Variants in CLSTN2 observed in about 807,000 individuals in gnomAD.
CLSTN2 encodes the protein calsyntenin-2.
CLSTN2 carries 48 observed loss-of-function variants against 101.2 expected under a neutral mutation model. That is an observed-to-expected ratio of 0.47 (90% CI 0.38 to 0.60). The LOEUF (loss-of-function observed/expected upper bound fraction) is 0.60, where lower values mean the gene tolerates loss of function less well. CLSTN2 is among the 20% of genes least tolerant of loss of function. The pLI is 0.00. For missense variants in CLSTN2, 1,160 were observed against 1,238.2 expected, an observed-to-expected ratio of 0.94 and a Z score of 0.95; for synonymous variants, 481 against 463.6, an observed-to-expected ratio of 1.04 and a Z score of -0.48.
chr3:140,472,483 G>C (rs762572362), intron 8 of CLSTN2, among the ~76,000 whole-genome samples: 2 of 152,214 alleles, frequency 1.3e-5, no homozygotes, highest in Admixed American at 6.5e-5. Flanking sequence ...AGAATGGTCA[G>C]TGCAGTTCAG....
chr3:140,380,828 T>G (rs2087973067), intron 2 of CLSTN2, among the ~76,000 whole-genome samples: 1 of 152,222 alleles, frequency 6.6e-6, no homozygotes, highest in African/African-American at 2.4e-5. Flanking sequence ...GGGTCCTGTC[T>G]TCTTCTTCCC....
intron 2 of CLSTN2, among the ~76,000 whole-genome samples, chr3:140,375,397 C>T (rs1194541314): frequency 1.3e-5 from 2 of 152,142 alleles, no homozygotes; most frequent in East Asian, 1.9e-4. Flanking sequence ...GGCCTGTGCA[C>T]CTGTGGTGAC....
At chr3:140,069,232 T>A (rs16849795) in intron 1 of CLSTN2, among the ~76,000 whole-genome samples, 19,544 of 152,188 alleles carry the variant, frequency 0.13, 1,285 homozygotes, top group East Asian at 0.16. Context: ...TCTCTGTATA[T>A]AGCAAAACAA....
At chr3:140,480,189 T>C (rs1414183706) in intron 8 of CLSTN2, among the ~76,000 whole-genome samples, 1 of 151,538 alleles carries the variant, frequency 6.6e-6, no homozygotes, top group Non-Finnish European at 1.5e-5. Context: ...GGTGAGAACA[T>C]GCAGTGTTTG....
chr3:140,285,904 G>A (rs2086891518), intron 2 of CLSTN2, among the ~76,000 whole-genome samples: 2 of 152,184 alleles, frequency 1.3e-5, no homozygotes, highest in African/African-American at 2.4e-5. Context: ...CACTCAGGTT[G>A]GAGGGCAAGA....
At chr3:140,275,774 A>T (rs962548986) in intron 2 of CLSTN2, among the ~76,000 whole-genome samples, 2 of 152,198 alleles carry the variant, frequency 1.3e-5, no homozygotes, top group African/African-American at 4.8e-5. Context: ...CAGCTAGGAA[A>T]GCAGCAGAGT....
At chr3:140,009,867 A>G (rs2007036072) in intron 1 of CLSTN2, among the ~76,000 whole-genome samples, 1 of 152,258 alleles carries the variant, frequency 6.6e-6, no homozygotes, top group Non-Finnish European at 1.5e-5. Flanking sequence ...GTCACTAATA[A>G]TGAAATTGCT....
intron 2 of CLSTN2, among the ~76,000 whole-genome samples, chr3:140,301,355 C>A (rs1315079001): frequency 6.6e-6 from 1 of 152,112 alleles, no homozygotes; most frequent in African/African-American, 2.4e-5. Context: ...TAAATTACAT[C>A]TTTTATGAAA....
chr3:140,012,790 A>G (rs987852605), intron 1 of CLSTN2, among the ~76,000 whole-genome samples: 2 of 152,226 alleles, frequency 1.3e-5, no homozygotes, highest in African/African-American at 2.4e-5. Context: ...TGCCTGAGGC[A>G]TGGAAGGTTG....
intron 1 of CLSTN2, among the ~76,000 whole-genome samples, chr3:139,955,112 CTATATATATATATA>C (rs58418059): frequency 8.4e-5 from 6 of 71,504 alleles, no homozygotes; most frequent in Admixed American, 7.3e-4. Flanking sequence ...GGCAATATTG[CTATATATATATATA>C]TATATATATA....
At chr3:140,117,106 CA>C (rs2009257347) in intron 1 of CLSTN2, among the ~76,000 whole-genome samples, 1 of 152,162 alleles carries the variant, frequency 6.6e-6, no homozygotes, top group African/African-American at 2.4e-5. Context: ...ATGTCTTTCT[CA>C]GCCTGCTGCT....
At chr3:140,076,709 C>T (rs2008499694) in intron 1 of CLSTN2, among the ~76,000 whole-genome samples, 1 of 144,880 alleles carries the variant, frequency 6.9e-6, no homozygotes, top group African/African-American at 2.5e-5. Flanking sequence ...CCCTGGGTCA[C>T]ACTGTGCTGC....
At chr3:140,119,423 A>T (rs1166869193) in intron 1 of CLSTN2, among the ~76,000 whole-genome samples, 1 of 152,256 alleles carries the variant, frequency 6.6e-6, no homozygotes, top group African/African-American at 2.4e-5. Context: ...AGTCTAAAAC[A>T]TGCAGCACAT....
intron 6 of CLSTN2, chr3:140,454,434 T>C (rs1229367771): frequency 1.3e-5 from 2 of 152,140 alleles, no homozygotes; most frequent in Non-Finnish European, 2.9e-5. Flanking sequence ...AGTGAAATGA[T>C]AGTTTTATTG....
chr3:140,265,203 C>G (rs1307781243), intron 2 of CLSTN2, among the ~76,000 whole-genome samples: 1 of 152,054 alleles, frequency 6.6e-6, no homozygotes, highest in South Asian at 2.1e-4. Flanking sequence ...TACTCAGGCC[C>G]TCAACCATGC....
chr3:140,249,171 T>C (rs2086541199), intron 2 of CLSTN2, among the ~76,000 whole-genome samples: 1 of 152,228 alleles, frequency 6.6e-6, no homozygotes, highest in East Asian at 1.9e-4. Context: ...GCCCTACCAG[T>C]GTAAGCCTTA....
chr3:140,148,640 G>T (rs944682266), intron 1 of CLSTN2, among the ~76,000 whole-genome samples: 4 of 152,198 alleles, frequency 2.6e-5, no homozygotes, highest in African/African-American at 9.6e-5. Context: ...TTAGGCTGCT[G>T]CATTCACTTA....
chr3:140,114,505 A>G (rs1033731303), intron 1 of CLSTN2, among the ~76,000 whole-genome samples: 6 of 152,190 alleles, frequency 3.9e-5, no homozygotes, highest in Non-Finnish European at 7.3e-5. Context: ...ACCTAGCCCA[A>G]GCTTCTCAAT....
intron 11 of CLSTN2, 54 bp downstream of exon 11, chr3:140,556,715 C>A (rs962132757): frequency 3.8e-6 from 6 of 1,567,164 alleles, no homozygotes; most frequent in Non-Finnish European, 4.4e-6. Flanking sequence ...TGGGAAGGTC[C>A]CAACTGAGGT....
Sources: gnomAD v4.1 joint callset for allele counts (sites outside exome capture counted in the v4.1 genomes callset) on GRCh38, gnomAD v4.1.1 for gene constraint, MANE v1.5 for transcripts, NCBI Gene and HGNC (gene_info 2026-07-23, HGNC 2026-07-21) for gene names.